PRRX2: variants seen among roughly 807,000 people sequenced by gnomAD.
PRRX2 encodes paired related homeobox 2, also known as paired mesoderm homeobox protein 2.
A neutral mutation model predicts 18.0 loss-of-function variants in PRRX2; 11 were observed. The observed-to-expected ratio is 0.61, with a 90% CI of 0.39 to 1.01. PRRX2 has a LOEUF of 1.01. PRRX2 is among the 50% of genes least tolerant of loss of function. PRRX2 has a pLI of 0.01. For missense variants in PRRX2, 387 were observed against 351.0 expected, an observed-to-expected ratio of 1.10 and a Z score of -0.82; for synonymous variants, 177 against 154.8, an observed-to-expected ratio of 1.14 and a Z score of -1.06.
rs1222824261 is a variant in PRRX2, at chr9:129,719,375, A to AGGAACTTGCCC, written c.407_408insACTTGCCCGGA (p.Arg140SerfsTer60). 6.4e-7 allele frequency: 1 copy of AGGAACTTGCCC among 1,562,808 alleles called. No individual in the cohort carries two copies. On this transcript the variant is annotated frameshift_variant, in exon 2 of 4. Transcript: ENST00000372469. LOFTEE classifies it high-confidence loss of function. ...CACTACCCCGACGCCTTTGTGCGCG[A>AGGAACTTGCCC]GGAGCTTGCCCGGCGCGTCAACCTC...
At chr9:129,698,257 C>CG (rs56233939) in intron 1 of PRRX2, among the ~76,000 whole-genome samples, 92 of 20,540 alleles carry the variant, frequency 4.5e-3, no homozygotes, top group Non-Finnish European at 6.5e-3. Flanking sequence ...TTGGATGGGG[C>CG]GGGGGGGGGG....
In PRRX2 at chr9:129,675,803, T is replaced by C. The variant is rs1832156461; in HGVS notation, c.259+9677T>C. Among the ~76,000 whole-genome samples the C allele has an allele frequency of 6.6e-6, 1 of 152,212 alleles. No individual in the cohort carries two copies. Among genetic ancestry groups the C allele is most frequent in the Non-Finnish European group, 1.5e-5 (1 of 68,022 alleles). On this transcript the variant is annotated intron_variant, in intron 1 of 3. Transcript: ENST00000372469. This position sits in a 1 kb window ranked among gnomAD's most constrained non-coding sequence, Gnocchi z 4.4. The stretch of plus-strand genomic sequence containing the variant: ...GCGGGAGCCGCCAGGCGGGCGCGCC[T>C]GGCAGGGGCCTCGCAGCCTCTCTCG...
chr9:129,683,835 G>C (rs1348864064), intron 1 of PRRX2, among the ~76,000 whole-genome samples: 1 of 152,170 alleles, frequency 6.6e-6, no homozygotes, highest in Non-Finnish European at 1.5e-5. Context: ...GCTCAGAGGC[G>C]GGAGCGCCAC....
At chr9:129,721,845 T>C (rs1412522701) in intron 3 of PRRX2, among the ~76,000 whole-genome samples, 1 of 152,094 alleles carries the variant, frequency 6.6e-6, no homozygotes, top group East Asian at 1.9e-4. Flanking sequence ...CCTCCCAAAG[T>C]GTTGGGATTA....
intron 1 of PRRX2, among the ~76,000 whole-genome samples, chr9:129,680,553 T>C (rs1832215732): frequency 8.8e-6 from 1 of 113,226 alleles, no homozygotes; most frequent in Non-Finnish European, 1.6e-5. Flanking sequence ...ATGGAAAAAC[T>C]GAGGGAGAGG....
chr9:129,708,895 C>G (rs1832586839), intron 1 of PRRX2, among the ~76,000 whole-genome samples: 1 of 152,188 alleles, frequency 6.6e-6, no homozygotes, highest in African/African-American at 2.4e-5. Flanking sequence ...CAAGGAAAAC[C>G]CAGGCCCTGC....
rs906407274 is a variant in PRRX2 at position 129,673,777 on chromosome 9, T to C, written c.259+7651T>C. ...GTGGCCGCAGCTGCTGGAGAGTAGA[T>C]GGGCAGATACATCTGCACCTGTGCG... On this transcript the variant is annotated intron_variant, in intron 1 of 3. Coordinates refer to ENST00000372469, the MANE Select transcript of PRRX2 (RefSeq NM_016307.4). Among the ~76,000 whole-genome samples the C allele has an allele frequency of 8.7e-4, 133 of 152,152 alleles. 11 individuals carry two copies. Among genetic ancestry groups the C allele is most frequent in the Non-Finnish European group, 7.4e-5 (5 of 68,016 alleles).
At chr9:129,668,203 C>T (rs956472089) in intron 1 of PRRX2, among the ~76,000 whole-genome samples, 48 of 152,302 alleles carry the variant, frequency 3.2e-4, no homozygotes, top group African/African-American at 8.2e-4. Flanking sequence ...CTGGGTCAGG[C>T]GGCCCCACCA....
chr9:129,685,964 G>A lies in PRRX2; in HGVS notation c.259+19838G>A, dbSNP rs533659485. 6.6e-5 allele frequency among the ~76,000 whole-genome samples: 10 copies of A among 152,324 alleles called. No individual in the cohort carries two copies. In the South Asian group the frequency reaches 2.1e-3, roughly 32 times the overall value. Reference sequence around the variant, plus strand: ...GCCTTTCTGGACCAGTGAGGGAAGGGTTCCTACAGGAAGTGTTGTCTAAGA... The same window carrying A: ...GCCTTTCTGGACCAGTGAGGGAAGGATTCCTACAGGAAGTGTTGTCTAAGA... On this transcript the variant is annotated intron_variant, in intron 1 of 3. Transcript: ENST00000372469.
chr9:129,684,274 T>C (rs1832268612), intron 1 of PRRX2, among the ~76,000 whole-genome samples: 1 of 152,058 alleles, frequency 6.6e-6, no homozygotes, highest in Non-Finnish European at 1.5e-5. Flanking sequence ...AACTAGGATA[T>C]ATTTATTAGC....
At chr9:129,714,571 G>A (rs1832679096) in intron 1 of PRRX2, among the ~76,000 whole-genome samples, 1 of 152,204 alleles carries the variant, frequency 6.6e-6, no homozygotes, top group Admixed American at 6.5e-5. Context: ...ACCCTGGGCA[G>A]AGCTGACTTG....
intron 1 of PRRX2, among the ~76,000 whole-genome samples, chr9:129,669,704 G>A (rs772443689): frequency 2.0e-5 from 3 of 152,164 alleles, no homozygotes; most frequent in Non-Finnish European, 4.4e-5. Context: ...GCCCTCGAGG[G>A]GCTGTCGGTG....
chr9:129,679,046 GC>G (rs1286487760), intron 1 of PRRX2, among the ~76,000 whole-genome samples: 1 of 152,202 alleles, frequency 6.6e-6, no homozygotes, highest in Non-Finnish European at 1.5e-5. Flanking sequence ...AGGTGGCCGT[GC>G]CCCACGTCGC....
At chr9:129,716,854 T>C (rs1832715069) in intron 1 of PRRX2, among the ~76,000 whole-genome samples, 1 of 152,138 alleles carries the variant, frequency 6.6e-6, no homozygotes, top group Admixed American at 6.6e-5. Context: ...GAACTAACTC[T>C]TAAAATGGTT....
chr9:129,672,652 G>A (rs537207084), intron 1 of PRRX2, among the ~76,000 whole-genome samples: 3 of 152,172 alleles, frequency 2.0e-5, no homozygotes, highest in African/African-American at 7.2e-5. Flanking sequence ...CATGTCCCAA[G>A]TGTGAGGGAG....
intron 1 of PRRX2, among the ~76,000 whole-genome samples, chr9:129,694,605 G>T (rs2130920619): frequency 6.6e-6 from 1 of 152,328 alleles, no homozygotes; most frequent in Middle Eastern, 3.4e-3. Context: ...AAGCTTGGGT[G>T]CTGGAATCTG....
At chr9:129,684,482 TCA>T (rs71385454) in intron 1 of PRRX2, among the ~76,000 whole-genome samples, 2,422 of 43,154 alleles carry the variant, frequency 0.056, 46 homozygotes, top group Admixed American at 0.099. Flanking sequence ...ATACCAGAAA[TCA>T]CACACACACA....
intron 1 of PRRX2, among the ~76,000 whole-genome samples, chr9:129,673,762 C>T (rs544723928): frequency 7.4e-4 from 113 of 152,292 alleles, no homozygotes; most frequent in African/African-American, 2.6e-3. Context: ...GTGGCCGCAG[C>T]TGCTGGAGAG....
chr9:129,722,107 C>T lies in PRRX2; in HGVS notation c.627-110C>T, dbSNP rs1200165824. 6 of 1,469,246 alleles carry T rather than the reference C, an allele frequency of 4.1e-6. No individual in the cohort carries two copies. The African/African-American group carries it at 7.0e-5, about 17-fold the overall frequency. 91.0% of individuals were successfully genotyped at this position (1,469,246 alleles called of 1,614,324 possible). On this transcript the variant is annotated intron_variant, in intron 3 of 3. Coordinates refer to ENST00000372469, the MANE Select transcript of PRRX2 (RefSeq NM_016307.4). ...CACCCCCAGTCCTGGGTGAAGGCTGCCCAGGAGAGCAAGCTAAGGAGGGGG... is the reference window on the plus strand; with the variant it reads ...CACCCCCAGTCCTGGGTGAAGGCTGTCCAGGAGAGCAAGCTAAGGAGGGGG...
Sources: allele counts gnomAD v4.1 joint callset (sites outside exome capture counted in the v4.1 genomes callset), GRCh38; gene constraint gnomAD v4.1.1; non-coding constraint Gnocchi (gnomAD v3.1); transcripts MANE v1.5; gene names NCBI Gene and HGNC (gene_info 2026-07-23, HGNC 2026-07-21).